Variants in EYA1 observed in about 807,000 individuals in gnomAD.
The protein encoded by EYA1 is protein phosphatase EYA1.
Under a neutral mutation model 82.0 loss-of-function variants are expected in EYA1, and 16 were observed. That is an observed-to-expected ratio of 0.20 (90% CI 0.13 to 0.30). The LOEUF is 0.30. Ranked by LOEUF, EYA1 falls within the 10% of genes least tolerant of loss-of-function variation. The pLI, the probability that EYA1 is intolerant of heterozygous loss-of-function variation, is 1.00. For synonymous variants in EYA1, 261 were observed against 264.4 expected, an observed-to-expected ratio of 0.99 and a Z score of 0.12; for missense variants, 633 against 730.7, an observed-to-expected ratio of 0.87 and a Z score of 1.54.
Position 71,269,787 on chromosome 8 carries a change from C to A in EYA1, c.1003G>T (p.Val335Phe). 1 of 1,613,748 alleles carries A rather than the reference C, an allele frequency of 6.2e-7. No homozygotes were observed. The highest frequency in any genetic ancestry group is 8.5e-7 in the Non-Finnish European group (1 of 1,179,772). The change falls in exon 11 of 18, where the codon GTT becomes TTT. Residue 335 changes from valine to phenylalanine, a missense_variant. Transcript: ENST00000340726. The part of the protein sequence containing the change: ...FIWDLDETII[V>F]FHSLLTGSYA... Reference sequence around the variant, plus strand: ...GACCCAGTAAGCAAGGAGTGGAAAACAATGATTGTCTCATCCAAGTCCCAG... The same window carrying A: ...GACCCAGTAAGCAAGGAGTGGAAAAAAATGATTGTCTCATCCAAGTCCCAG...
intron 2 of EYA1, among the ~76,000 whole-genome samples, chr8:71,442,778 A>C (rs775207656): frequency 3.3e-5 from 5 of 152,170 alleles, no homozygotes; most frequent in Non-Finnish European, 7.3e-5. Flanking sequence ...AGCTTACTTG[A>C]CCAAAATCAC....
At chr8:71,448,610 G>A (rs1807094629) in intron 2 of EYA1, among the ~76,000 whole-genome samples, 2 of 152,216 alleles carry the variant, frequency 1.3e-5, no homozygotes, top group Admixed American at 1.3e-4. Flanking sequence ...CTAGAACAGT[G>A]AATGCTGTCC....
intron 2 of EYA1, among the ~76,000 whole-genome samples, chr8:71,412,438 ATTG>A (rs949356581): frequency 1.3e-4 from 20 of 151,842 alleles, no homozygotes; most frequent in Non-Finnish European, 2.6e-4. Context: ...AAAAAAAGAA[ATTG>A]TTGTTCATTT....
At chr8:71,228,941 C>T (rs1563655515) in intron 12 of EYA1, among the ~76,000 whole-genome samples, 1 of 152,144 alleles carries the variant, frequency 6.6e-6, no homozygotes, top group Non-Finnish European at 1.5e-5. Flanking sequence ...TTTGCTGTTC[C>T]AGGCAAGGCA....
At chr8:71,331,714 ATAGTT>A (rs1376140747) in intron 4 of EYA1, among the ~76,000 whole-genome samples, 1 of 152,162 alleles carries the variant, frequency 6.6e-6, no homozygotes, top group Admixed American at 6.5e-5. Flanking sequence ...TTCTCTTAAT[ATAGTT>A]AACATTTTCT....
chr8:71,512,354 A>T (rs4574877), intron 2 of EYA1, among the ~76,000 whole-genome samples: 89,648 of 151,692 alleles, frequency 0.59, 27,070 homozygotes, highest in East Asian at 0.91. Context: ...AAAAGTTTTT[A>T]AAAAAAAGTT....
intron 2 of EYA1, among the ~76,000 whole-genome samples, chr8:71,409,017 A>T (rs1180747945): frequency 8.1e-6 from 1 of 124,034 alleles, no homozygotes; most frequent in African/African-American, 3.4e-5. Context: ...AATTATAACA[A>T]AGTATCTCTC....
At chr8:71,521,797 T>A (rs1459149185) in intron 2 of EYA1, among the ~76,000 whole-genome samples, 1 of 152,180 alleles carries the variant, frequency 6.6e-6, no homozygotes, top group Admixed American at 6.5e-5. Flanking sequence ...GCTGCACGTT[T>A]TCAAAGGTTT....
chr8:71,496,913 GAA>G (rs34711030), intron 2 of EYA1, among the ~76,000 whole-genome samples: 60 of 140,300 alleles, frequency 4.3e-4, no homozygotes, highest in African/African-American at 8.1e-4. Context: ...AACTGTCTAA[GAA>G]AAAAAAAAAA....
At position 71,198,076 on chromosome 8, in the gene EYA1, C is replaced by T. The variant is rs747399371; in HGVS notation, c.*1264G>A. 2 of 152,216 alleles carry T rather than the reference C, an allele frequency of 1.3e-5. No homozygotes were observed. Among genetic ancestry groups the T allele is most frequent in the Non-Finnish European group, 2.9e-5 (2 of 68,034 alleles). The allele number at this position is 152,216 out of a possible 1,614,324, so 9.4% of individuals were successfully genotyped here. Reference sequence around the variant, plus strand: ...AGTTTGCTGATTTCCGGATTAGCATCGTGTGTCTTCCTTTATCGAAAGAAA... The same window carrying T: ...AGTTTGCTGATTTCCGGATTAGCATTGTGTGTCTTCCTTTATCGAAAGAAA... On this transcript the variant is annotated 3_prime_UTR_variant, in exon 18 of 18. Transcript: ENST00000340726.
At chr8:71,405,746 A>T (rs1481247823) in intron 2 of EYA1, among the ~76,000 whole-genome samples, 1 of 152,166 alleles carries the variant, frequency 6.6e-6, no homozygotes, top group Non-Finnish European at 1.5e-5. Context: ...TTTGATGAGC[A>T]TGTGCAACCT....
At chr8:71,518,891 T>G (rs781598024) in intron 2 of EYA1, among the ~76,000 whole-genome samples, 2 of 152,182 alleles carry the variant, frequency 1.3e-5, no homozygotes, top group Non-Finnish European at 2.9e-5. Context: ...AGCTAGTATC[T>G]ACTAATATCC....
chr8:71,277,293 A>G (rs1314988407), intron 9 of EYA1, among the ~76,000 whole-genome samples: 1 of 151,868 alleles, frequency 6.6e-6, no homozygotes, highest in Admixed American at 6.6e-5. Flanking sequence ...CTACAGGCAC[A>G]TGACGTGACA....
At chr8:71,389,895 T>C (rs1389452325) in intron 2 of EYA1, among the ~76,000 whole-genome samples, 2 of 152,180 alleles carry the variant, frequency 1.3e-5, no homozygotes, top group Non-Finnish European at 2.9e-5. Flanking sequence ...TTCAGTTAAT[T>C]GGGTATATAT....
At chr8:71,256,470 A>G (rs1479160220) in intron 11 of EYA1, among the ~76,000 whole-genome samples, 2 of 152,190 alleles carry the variant, frequency 1.3e-5, no homozygotes, top group Non-Finnish European at 2.9e-5. Flanking sequence ...GAAGTACTAT[A>G]TGATTCCACT....
At chr8:71,299,763 G>C (rs750862888) in intron 7 of EYA1, 43 bp from the exon 8 acceptor site, 1 of 1,024,070 alleles carries the variant, frequency 9.8e-7, no homozygotes, top group Non-Finnish European at 1.5e-6. Flanking sequence ...CAGGCTTGTG[G>C]AATAATGTGG....
chr8:71,267,405 A>G (rs560339196), intron 11 of EYA1, among the ~76,000 whole-genome samples: 2 of 152,318 alleles, frequency 1.3e-5, no homozygotes, highest in Admixed American at 1.3e-4. Context: ...ACATGCAGGA[A>G]GATCTTCCTC....
intron 2 of EYA1, among the ~76,000 whole-genome samples, chr8:71,355,669 C>T (rs1213843216): frequency 6.6e-6 from 1 of 152,174 alleles, no homozygotes; most frequent in Non-Finnish European, 1.5e-5. Context: ...CTGTCACTTA[C>T]TCTGGGAAAT....
At chr8:71,289,519 T>C (rs1441497979) in intron 9 of EYA1, among the ~76,000 whole-genome samples, 1 of 152,216 alleles carries the variant, frequency 6.6e-6, no homozygotes, top group Non-Finnish European at 1.5e-5. Context: ...ACTCTCTGTT[T>C]ACATTTTCAT....
Sources: gnomAD v4.1 joint callset for allele counts (sites outside exome capture counted in the v4.1 genomes callset) on GRCh38, gnomAD v4.1.1 for gene constraint, MANE v1.5 for transcripts, NCBI Gene and HGNC (gene_info 2026-07-23, HGNC 2026-07-21) for gene names.